Variants in ITGAL observed in about 807,000 individuals in gnomAD.
ITGAL encodes the protein integrin alpha-L.
Under a neutral mutation model 138.4 loss-of-function variants are expected in ITGAL, and 68 were observed. That is an observed-to-expected ratio of 0.49 (90% CI 0.40 to 0.60). The LOEUF (loss-of-function observed/expected upper bound fraction) is 0.60, where lower values mean the gene tolerates loss of function less well. Among genes scored for constraint, ITGAL ranks in the 20% least tolerant of loss-of-function variants. The pLI, the probability that ITGAL is intolerant of heterozygous loss-of-function variation, is 0.00. For synonymous variants in ITGAL, 561 were observed against 584.3 expected (o/e 0.96, Z 0.57); for missense variants, 1,256 against 1,478.6 (o/e 0.85, Z 2.47).
intron 24 of ITGAL, 94 bp downstream of exon 24, chr16:30,511,230 C>T: frequency 1.1e-6 from 1 of 942,970 alleles, no homozygotes; most frequent in Non-Finnish European, 1.7e-6. Context: ...TCCTTCTGAA[C>T]CTCCTTCCTT....
rs774208853 is a variant in ITGAL, at chr16:30,496,219, G to A, written c.1626G>A (p.Gly542=). 1 of 1,613,390 alleles carries A rather than the reference G, an allele frequency of 6.2e-7. No individual in the cohort carries two copies. Among genetic ancestry groups the A allele is most frequent in the Non-Finnish European group, 8.5e-7 (1 of 1,179,594 alleles). ...NGDGLVDVAV[G]APLEEQGAVY... is the part of the protein sequence containing the mutation. Reference sequence around the variant, plus strand: ...ATGGGCTGGTAGACGTGGCTGTGGGGGCCCCTCTGGAGGAGCAGGGGGCTG... The same window carrying A: ...ATGGGCTGGTAGACGTGGCTGTGGGAGCCCCTCTGGAGGAGCAGGGGGCTG... Residue 542 remains glycine, a synonymous_variant, in exon 14 of 31, where the codon GGG becomes GGA. Transcript: ENST00000356798.
chr16:30,518,603 C>A, intron 28 of ITGAL, 21 bp from the exon 29 acceptor site: 1 of 1,569,746 alleles, frequency 6.4e-7, no homozygotes, highest in Non-Finnish European at 8.8e-7. Context: ...CGGGTTCTGA[C>A]GCCTTTCCCC....
chr16:30,501,851 C>A (rs1472358623), intron 17 of ITGAL, among the ~76,000 whole-genome samples: 1 of 151,554 alleles, frequency 6.6e-6, no homozygotes, highest in East Asian at 1.9e-4. Context: ...GGCAACATAG[C>A]GAGACCCCTT....
At chr16:30,501,246 C>T (rs537901082) in intron 17 of ITGAL, among the ~76,000 whole-genome samples, 36 of 151,998 alleles carry the variant, frequency 2.4e-4, no homozygotes, top group Non-Finnish European at 4.3e-4. Context: ...TATATTAATG[C>T]TGCTACACAG....
rs1326294583 is a variant in ITGAL at position 30,513,785 on chromosome 16, C to T, written c.2801C>T (p.Thr934Ile). The change falls in exon 25 of 31, where the codon ACA (threonine) becomes ATA (isoleucine). Residue 934 changes from threonine to isoleucine, a missense_variant. Physicochemically the swap from Thr to Ile is moderately conservative, Grantham distance 89. Transcript: ENST00000356798. The stretch of plus-strand genomic sequence containing the variant: ...TCTCTCCGCAGCCAAGAAGACTCCA[C>T]ACTCTATGTCAGTTTCACCCCCAAA... ...NILIQDQEDSTLYVSFTPKGP... is the reference protein window; with the variant it reads ...NILIQDQEDSILYVSFTPKGP... The T allele has an allele frequency of 6.2e-7, 1 of 1,613,676 alleles. No individual in the cohort carries two copies. The highest frequency in any genetic ancestry group is 8.5e-7 in the Non-Finnish European group (1 of 1,179,622).
Position 30,489,145 on chromosome 16 carries a change from A to C in ITGAL, c.1070A>C (p.Asp357Ala). 6.2e-7 allele frequency: 1 copy of C among 1,614,034 alleles called. No individual in the cohort carries two copies. The highest frequency in any genetic ancestry group is 8.5e-7 in the Non-Finnish European group (1 of 1,179,994). ...CTGTCCTCCAGCGGCATCAGTGCTG[A>C]CCTCAGCAGGGTGCGTGCTGGGCTG... The part of the protein sequence containing the change: ...MELSSSGISA[D>A]LSRGHAVVGA... Residue 357 changes from aspartate (D) to alanine (A), a missense_variant, in exon 10 of 31, where the codon GAC (aspartate) becomes GCC (alanine). This residue lies in a region of ITGAL where 177 missense variants were observed against 288.8 expected (regional missense o/e 0.61). Coordinates refer to ENST00000356798, the MANE Select transcript of ITGAL (RefSeq NM_002209.3).
chr16:30,513,359 G>A (rs1313647101), intron 24 of ITGAL, among the ~76,000 whole-genome samples: 1 of 152,240 alleles, frequency 6.6e-6, no homozygotes, highest in African/African-American at 2.4e-5. Flanking sequence ...GTTGGCCAAT[G>A]CTGAGCAGGT....
At chr16:30,499,651 GT>G (rs921668744) in intron 17 of ITGAL, 162 bp downstream of exon 17, 59 of 347,864 alleles carry the variant, frequency 1.7e-4, no homozygotes, top group African/African-American at 1.1e-3. Context: ...TTCTTCTAGT[GT>G]TTTTTTTAAA....
rs372099670 is a variant in ITGAL at position 30,475,465 on chromosome 16, C to T, written c.260-48C>T. 2.1e-4 allele frequency: 338 copies of T among 1,596,658 alleles called. 1 individual carries two copies. The highest frequency in any genetic ancestry group is 1.7e-3 in the Middle Eastern group (10 of 6,038). ...GGGGAAACTGAGGCTGGCCCCAGCC[C>T]ACCTAGACTGCCTGAGCTCCTCCAG... On this transcript the variant is annotated intron_variant, in intron 3 of 30. Transcript: ENST00000356798.
intron 15 of ITGAL, 117 bp from the exon 16 acceptor site, chr16:30,498,957 G>T (rs1597087781): frequency 2.6e-6 from 2 of 784,306 alleles, no homozygotes; most frequent in East Asian, 2.7e-5. Context: ...ACAGTGACAT[G>T]TTGAGGTCTG....
chr16:30,483,518 G>C (rs940285610), intron 7 of ITGAL, among the ~76,000 whole-genome samples: 8 of 152,228 alleles, frequency 5.3e-5, no homozygotes, highest in Non-Finnish European at 1.0e-4. Flanking sequence ...AAAGAGTGGT[G>C]GCCATGTGGT....
intron 20 of ITGAL, among the ~76,000 whole-genome samples, 192 bp from the exon 21 acceptor site, chr16:30,506,523 C>T (rs1397885947): frequency 8.4e-6 from 1 of 119,532 alleles, no homozygotes; most frequent in East Asian, 2.5e-4. Context: ...CGCGCCACTG[C>T]ACTCCAGCCT....
chr16:30,514,212 G>A (rs1325093863), intron 25 of ITGAL, among the ~76,000 whole-genome samples: 1 of 151,932 alleles, frequency 6.6e-6, no homozygotes, highest in East Asian at 1.9e-4. Context: ...CCAAGTTCAA[G>A]CAATTCTCCT....
chr16:30,512,829 T>C (rs1243126223), intron 24 of ITGAL, among the ~76,000 whole-genome samples: 1 of 151,942 alleles, frequency 6.6e-6, no homozygotes, highest in Non-Finnish European at 1.5e-5. Context: ...GCCTCCCGAG[T>C]AGCTGGGACT....
At chr16:30,488,006 C>T (rs111296158) in intron 9 of ITGAL, among the ~76,000 whole-genome samples, 161 of 152,260 alleles carry the variant, frequency 1.1e-3, no homozygotes, top group African/African-American at 3.5e-3. Flanking sequence ...GCATGAGCCA[C>T]CACGCACAGC....
In ITGAL at chr16:30,518,651, TC is replaced by T; in HGVS notation, c.3163del (p.Leu1055SerfsTer25). ...CTCTTCCATGTTCAGCCTCTGCAGC[TC>T]CCTCTCCATCTCCTTCAACAGCAGC... The part of the protein sequence containing the change: ...EASSMFSLCS[S>X]LSISFNSSKH... On this transcript the variant is annotated frameshift_variant, in exon 29 of 31. Coordinates refer to ENST00000356798, the MANE Select transcript of ITGAL (RefSeq NM_002209.3). LOFTEE classifies it high-confidence loss of function. The T allele has an allele frequency of 6.2e-7, 1 of 1,613,900 alleles. No individual in the cohort carries two copies. Among genetic ancestry groups the T allele is most frequent in the Non-Finnish European group, 8.5e-7 (1 of 1,179,912 alleles).
intron 15 of ITGAL, among the ~76,000 whole-genome samples, chr16:30,498,090 A>C (rs1182301110): frequency 6.6e-6 from 1 of 151,590 alleles, no homozygotes; most frequent in Admixed American, 6.6e-5. Flanking sequence ...ATACATCTTC[A>C]ATGGGAGGCA....
chr16:30,516,231 A>C (rs772820684), intron 25 of ITGAL, among the ~76,000 whole-genome samples: 1 of 151,434 alleles, frequency 6.6e-6, no homozygotes, highest in Non-Finnish European at 1.5e-5. Flanking sequence ...GGTGCTCAGA[A>C]ATTTTTTTTT....
At chr16:30,510,315 C>A (rs1255785392) in intron 21 of ITGAL, 46 bp from the exon 22 acceptor site, 2 of 1,171,952 alleles carry the variant, frequency 1.7e-6, no homozygotes, top group African/African-American at 1.5e-5. Context: ...CTGGGGGAAA[C>A]TTGGCCTTGC....
Sources: gnomAD v4.1 joint callset for allele counts (sites outside exome capture counted in the v4.1 genomes callset) on GRCh38, gnomAD v4.1.1 for gene constraint, gnomAD v4.1.1 regional missense constraint, MANE v1.5 for transcripts, NCBI Gene and HGNC (gene_info 2026-07-23, HGNC 2026-07-21) for gene names.